Variants in CACNA1E observed in about 807,000 individuals in gnomAD.
The protein encoded by CACNA1E is calcium voltage-gated channel subunit alpha1 E.
A neutral mutation model predicts 259.2 loss-of-function variants in CACNA1E; 40 were observed. The observed-to-expected ratio is 0.15, with a 90% CI of 0.12 to 0.20. The LOEUF is 0.20. CACNA1E is among the 10% of genes least tolerant of loss of function. The pLI is 1.00. For missense variants in CACNA1E, 1,874 were observed against 3,040.1 expected (o/e 0.62, Z 9.02); for synonymous variants, 1,104 against 1,138.5 (o/e 0.97, Z 0.61).
intron 2 of CACNA1E, among the ~76,000 whole-genome samples, chr1:181,464,679 T>A (rs1662043489): frequency 6.6e-6 from 1 of 151,934 alleles, no homozygotes; most frequent in Non-Finnish European, 1.5e-5. Flanking sequence ...ACTTTGTTTT[T>A]TCCTTTATAA....
At chr1:181,673,829 C>T (rs1056775405) in intron 7 of CACNA1E, among the ~76,000 whole-genome samples, 3 of 152,160 alleles carry the variant, frequency 2.0e-5, no homozygotes, top group African/African-American at 7.2e-5. Context: ...TGCCAGCTCT[C>T]GTTCGTTGCC....
chr1:181,631,053 A>G (rs751034285), intron 6 of CACNA1E, among the ~76,000 whole-genome samples: 26 of 152,300 alleles, frequency 1.7e-4, no homozygotes, highest in Non-Finnish European at 3.1e-4. Flanking sequence ...CCTCAGCCCC[A>G]GGGCTCTTTG....
intron 2 of CACNA1E, among the ~76,000 whole-genome samples, chr1:181,446,813 G>C (rs552063716): frequency 3.0e-4 from 46 of 152,158 alleles, no homozygotes; most frequent in African/African-American, 1.0e-3. Flanking sequence ...GGCTGGTGGG[G>C]CTGTGGCACC....
At chr1:181,633,217 C>T (rs1042542360) in intron 6 of CACNA1E, among the ~76,000 whole-genome samples, 2 of 152,124 alleles carry the variant, frequency 1.3e-5, no homozygotes, top group Non-Finnish European at 2.9e-5. Context: ...AGGAAGGGTG[C>T]AGCAGCTGGG....
At chr1:181,593,722 A>T (rs1434542203) in intron 6 of CACNA1E, among the ~76,000 whole-genome samples, 1 of 152,116 alleles carries the variant, frequency 6.6e-6, no homozygotes, top group Non-Finnish European at 1.5e-5. Flanking sequence ...TATTTTTAGT[A>T]GAGACGGGGT....
chr1:181,625,080 T>A (rs1656070316), intron 6 of CACNA1E, among the ~76,000 whole-genome samples: 1 of 141,354 alleles, frequency 7.1e-6, no homozygotes, highest in African/African-American at 2.7e-5. Context: ...GAGAAGCAGA[T>A]CTCAACAGTG....
rs1557965710 is a variant in CACNA1E at position 181,391,933 on chromosome 1, CTCTCTCTCTCTCTGTGTGTG to C, written c.-14-21198_-14-21179del. On this transcript the variant is annotated intron_variant, in intron 1 of 11. Coordinates refer to the CACNA1E transcript ENST00000524607. ...TGTCTTTCTCTCTCTCTGTCTCTCT[CTCTCTCTCTCTCTGTGTGTG>C]TGTGTGTGTGTGTGTGTGTGTGTGT... Among the ~76,000 whole-genome samples, 369 of 79,954 alleles carry C rather than the reference CTCTCTCTCTCTCTGTGTGTG, an allele frequency of 4.6e-3. 5 individuals are homozygous for C. Among genetic ancestry groups the C allele is most frequent in the African/African-American group, 0.014 (364 of 26,642 alleles). The allele number at this position is 79,954 out of a possible 152,430, so 52.5% of individuals were successfully genotyped here.
chr1:181,465,485 C>T (rs1389951819), intron 2 of CACNA1E, among the ~76,000 whole-genome samples: 1 of 151,990 alleles, frequency 6.6e-6, no homozygotes, highest in Non-Finnish European at 1.5e-5. Flanking sequence ...TTCATTCTGT[C>T]TTCCATGTCT....
intron 1 of CACNA1E, among the ~76,000 whole-genome samples, chr1:181,319,843 A>G (rs1386797133): frequency 2.0e-5 from 3 of 152,222 alleles, no homozygotes; most frequent in African/African-American, 7.2e-5. Context: ...TTCCTGACTC[A>G]GATTTCTAAT....
At chr1:181,509,661 G>T (rs1666002187) in intron 1 of CACNA1E, among the ~76,000 whole-genome samples, 1 of 152,258 alleles carries the variant, frequency 6.6e-6, no homozygotes, top group East Asian at 1.9e-4. Context: ...TCCTGCAGGG[G>T]TCATAGTCCT....
chr1:181,593,607 C>T (rs531942842), intron 6 of CACNA1E, among the ~76,000 whole-genome samples: 3 of 152,190 alleles, frequency 2.0e-5, no homozygotes, highest in East Asian at 1.9e-4. Context: ...GGCATGATCT[C>T]GGTTCACTGC....
At chr1:181,779,058 G>A (rs1006944022) in intron 38 of CACNA1E, among the ~76,000 whole-genome samples, 3 of 152,194 alleles carry the variant, frequency 2.0e-5, no homozygotes, top group African/African-American at 7.2e-5. Flanking sequence ...CCACTTCAAG[G>A]CAGCCTGACA....
intron 41 of CACNA1E, 29 bp downstream of exon 41, chr1:181,784,797 C>A: frequency 7.6e-7 from 1 of 1,314,376 alleles, no homozygotes; most frequent in Non-Finnish European, 1.1e-6. Flanking sequence ...GTATCCTTGT[C>A]ACTGTGGGCC....
At chr1:181,361,417 C>A (rs964518712) in intron 1 of CACNA1E, among the ~76,000 whole-genome samples, 1 of 152,164 alleles carries the variant, frequency 6.6e-6, no homozygotes, top group African/African-American at 2.4e-5. Flanking sequence ...CTGGATGTAG[C>A]AGGGAAGGTC....
intron 3 of CACNA1E, among the ~76,000 whole-genome samples, chr1:181,571,558 G>T (rs1354966674): frequency 6.6e-6 from 1 of 152,332 alleles, no homozygotes; most frequent in East Asian, 1.9e-4. Flanking sequence ...ACTCATTTAT[G>T]TCAACTACCC....
At chr1:181,718,651 CA>C (rs1654143438) in intron 12 of CACNA1E, among the ~76,000 whole-genome samples, 11 of 151,056 alleles carry the variant, frequency 7.3e-5, no homozygotes, top group Non-Finnish European at 1.2e-4. Flanking sequence ...CACACACACA[CA>C]CACACACACA....
chr1:181,629,064 G>T (rs1380462363), intron 6 of CACNA1E, among the ~76,000 whole-genome samples: 4 of 152,318 alleles, frequency 2.6e-5, no homozygotes, highest in Admixed American at 6.5e-5. Flanking sequence ...GAGAAGCTGT[G>T]GTAGCACGGA....
chr1:181,482,923 A>T (rs1414035898), upstream of CACNA1E, among the ~76,000 whole-genome samples: 1 of 152,274 alleles, frequency 6.6e-6, no homozygotes, highest in Non-Finnish European at 1.5e-5. Flanking sequence ...GGATGCTGGC[A>T]CTCAGGCTTC....
At chr1:181,536,608 G>A (rs1163625960) in intron 3 of CACNA1E, among the ~76,000 whole-genome samples, 1 of 152,054 alleles carries the variant, frequency 6.6e-6, no homozygotes, top group Non-Finnish European at 1.5e-5. Context: ...TCAAGTTTTT[G>A]GTGATTCTTG....
Sources: allele counts gnomAD v4.1 joint callset (sites outside exome capture counted in the v4.1 genomes callset), GRCh38; gene constraint gnomAD v4.1.1; transcripts MANE v1.5; gene names NCBI Gene and HGNC (gene_info 2026-07-23, HGNC 2026-07-21).